DDIT4L: variants seen among roughly 807,000 people sequenced by gnomAD.
The protein encoded by DDIT4L is DNA damage inducible transcript 4 like.
Under a neutral mutation model 15.9 loss-of-function variants are expected in DDIT4L, and 13 were observed. That is an observed-to-expected ratio of 0.82 (90% CI 0.53 to 1.30). The LOEUF (loss-of-function observed/expected upper bound fraction) is 1.30, where lower values mean the gene tolerates loss of function less well. Ranked by LOEUF, DDIT4L falls within the 50% of genes most tolerant of loss-of-function variation. The pLI, the probability that DDIT4L is intolerant of heterozygous loss-of-function variation, is 0.00. For missense variants in DDIT4L, 235 were observed against 224.8 expected, an observed-to-expected ratio of 1.05 and a Z score of -0.29; for synonymous variants, 82 against 85.4, an observed-to-expected ratio of 0.96 and a Z score of 0.22.
In DDIT4L at chr4:100,187,985, C is replaced by T; in HGVS notation, c.274G>A (p.Val92Ile). 6.2e-7 allele frequency: 1 copy of T among 1,614,144 alleles called. No individual in the cohort carries two copies. The highest frequency in any genetic ancestry group is 8.5e-7 in the Non-Finnish European group (1 of 1,180,042). Residue 92 changes from valine (V) to isoleucine (I), a missense_variant, in exon 3 of 3, where the codon GTC becomes ATC. Coordinates refer to ENST00000273990, the MANE Select transcript of DDIT4L (RefSeq NM_145244.4). Reference sequence around the variant, plus strand: ...GGCTCCGTTGAGGAAAGCCGCAGGACATCTTGAGCAATTCTCTGGGTCAGT... The same window carrying T: ...GGCTCCGTTGAGGAAAGCCGCAGGATATCTTGAGCAATTCTCTGGGTCAGT... ...EKLTQRIAQD[V>I]LRLSSTEPCG... is the part of the protein sequence containing the mutation.
Position 100,188,055 on chromosome 4 carries a change from T to C in DDIT4L, c.204A>G (p.Ser68=). The change falls in exon 3 of 3, where the codon TCA becomes TCG. Residue 68 remains serine, a synonymous_variant. Coordinates refer to ENST00000273990, the MANE Select transcript of DDIT4L (RefSeq NM_145244.4). ...TTGAGCAACCAAGTTTAGTTTGCTT[T>C]GATTTGGACAGACAGTTCTCCAGCA... ...VKMLENCLSK[S]KQTKLGCSKV... 1 of 1,614,212 alleles carries C rather than the reference T, an allele frequency of 6.2e-7. No individual in the cohort carries two copies. Among genetic ancestry groups the C allele is most frequent in the Non-Finnish European group, 8.5e-7 (1 of 1,180,048 alleles).
At position 100,187,527 on chromosome 4, in the gene DDIT4L, G is replaced by A; in HGVS notation, c.*150C>T. ...CCAGAAAATCAGCCTGTTAGCTGCAGTTGCTATGAATGTGAAACACAGAAA... is the reference window on the plus strand; with the variant it reads ...CCAGAAAATCAGCCTGTTAGCTGCAATTGCTATGAATGTGAAACACAGAAA... On this transcript the variant is annotated 3_prime_UTR_variant, in exon 3 of 3. Coordinates refer to ENST00000273990, the MANE Select transcript of DDIT4L (RefSeq NM_145244.4). The A allele has an allele frequency of 1.2e-6, 1 of 856,528 alleles. No individual in the cohort carries two copies. Among genetic ancestry groups the A allele is most frequent in the Non-Finnish European group, 1.7e-6 (1 of 592,882 alleles). The allele number at this position is 856,528 out of a possible 1,614,324, so 53.1% of individuals were successfully genotyped here.
intron 2 of DDIT4L, among the ~76,000 whole-genome samples, 183 bp from the exon 3 acceptor site, chr4:100,188,350 GCT>G (rs1347689842): frequency 9.9e-5 from 15 of 152,264 alleles, no homozygotes; most frequent in African/African-American, 3.6e-4. Context: ...AATAATTTAA[GCT>G]CTCATGAATG....
At chr4:100,188,611 T>A (rs2110148825) in intron 2 of DDIT4L, among the ~76,000 whole-genome samples, 1 of 152,312 alleles carries the variant, frequency 6.6e-6, no homozygotes, top group Non-Finnish European at 1.5e-5. Flanking sequence ...TAACTTTGTT[T>A]TTTGGACTAA....
chr4:100,189,365 A>G (rs1723476428), intron 2 of DDIT4L, among the ~76,000 whole-genome samples: 3 of 152,188 alleles, frequency 2.0e-5, no homozygotes, highest in Admixed American at 2.0e-4. Context: ...ACACGAACAC[A>G]CTGATTTAAG....
At position 100,187,652 on chromosome 4, in the gene DDIT4L, A is replaced by C; in HGVS notation, c.*25T>G. ...GAATAGTTTTACTACCCAATCATGA[A>C]ATAATCTTTATATATTTTCCCTTTT... is the stretch of plus-strand genomic sequence containing the variant. On this transcript the variant is annotated 3_prime_UTR_variant, in exon 3 of 3. Coordinates refer to ENST00000273990, the MANE Select transcript of DDIT4L (RefSeq NM_145244.4). The C allele has an allele frequency of 6.4e-7, 1 of 1,568,460 alleles. No individual in the cohort carries two copies. The highest frequency in any genetic ancestry group is 8.6e-7 in the Non-Finnish European group (1 of 1,167,664).
At chr4:100,190,108 G>A in intron 1 of DDIT4L, 76 bp from the exon 2 acceptor site, 3 of 848,744 alleles carry the variant, frequency 3.5e-6, no homozygotes, top group South Asian at 3.2e-5. Context: ...AATGCCCGGC[G>A]TCCCGGGAGC....
At position 100,188,179 on chromosome 4, in the gene DDIT4L, G is replaced by A; in HGVS notation, c.92-12C>T. Reference sequence around the variant, plus strand: ...CCAGTAGTCAAAATCTGTAAGAAATGGAGTTTTCTTTTTAGATACAGAAGA... The same window carrying A: ...CCAGTAGTCAAAATCTGTAAGAAATAGAGTTTTCTTTTTAGATACAGAAGA... On this transcript the variant is annotated splice_polypyrimidine_tract_variant and intron_variant, in intron 2 of 2. Transcript: ENST00000273990. The A allele has an allele frequency of 6.3e-7, 1 of 1,575,272 alleles. No individual in the cohort carries two copies. The highest frequency in any genetic ancestry group is 8.5e-7 in the Non-Finnish European group (1 of 1,172,664).
Position 100,187,126 on chromosome 4 carries a change from C to A in DDIT4L, c.*551G>T, listed in dbSNP as rs1187226733. 1 of 152,174 alleles carries A rather than the reference C, an allele frequency of 6.6e-6. No individual in the cohort carries two copies. Among genetic ancestry groups the A allele is most frequent in the East Asian group, 1.9e-4 (1 of 5,190 alleles). The allele number at this position is 152,174 out of a possible 1,614,324, so 9.4% of individuals were successfully genotyped here. ...TTATTGCCGTAATATTTCTCATTTA[C>A]TCTTACCTAGGGTTAAGCTTTAATT... On this transcript the variant is annotated 3_prime_UTR_variant, in exon 3 of 3. Coordinates refer to ENST00000273990, the MANE Select transcript of DDIT4L (RefSeq NM_145244.4).
intron 2 of DDIT4L, 85 bp downstream of exon 2, chr4:100,189,808 G>T: frequency 7.9e-7 from 1 of 1,270,860 alleles, no homozygotes; most frequent in Non-Finnish European, 1.1e-6. Context: ...TAGAGGTAGG[G>T]GAGGAAGTCG....
rs954187511 is a variant in DDIT4L, at chr4:100,187,150, T to C, written c.*527A>G. On this transcript the variant is annotated 3_prime_UTR_variant, in exon 3 of 3. Coordinates refer to ENST00000273990, the MANE Select transcript of DDIT4L (RefSeq NM_145244.4). ...ACTCTTACCTAGGGTTAAGCTTTAATTAAACTCACCTACTTAATCCTACCC... is the reference window on the plus strand; with the variant it reads ...ACTCTTACCTAGGGTTAAGCTTTAACTAAACTCACCTACTTAATCCTACCC... The C allele has an allele frequency of 7.2e-5, 11 of 152,380 alleles. No homozygotes were observed. The highest frequency in any genetic ancestry group is 2.4e-4 in the African/African-American group (10 of 41,586). The allele number at this position is 152,380 out of a possible 1,614,324, so 9.4% of individuals were successfully genotyped here.
In DDIT4L at chr4:100,187,867, A is replaced by G. The variant is rs997463567; in HGVS notation, c.392T>C (p.Val131Ala). 8.7e-6 allele frequency: 14 copies of G among 1,613,744 alleles called. No homozygotes were observed. The highest frequency in any genetic ancestry group is 1.2e-5 in the Non-Finnish European group (14 of 1,179,956). Reference sequence around the variant, plus strand: ...CACAAGTGTAAGCTCAAAAGTAGGTACGACGCTAGAATCACACACAATCCT... The same window carrying G: ...CACAAGTGTAAGCTCAAAAGTAGGTGCGACGCTAGAATCACACACAATCCT... ...LDRIVCDSSV[V>A]PTFELTLVFK... The change falls in exon 3 of 3, where the codon GTA (valine) becomes GCA (alanine). Residue 131 changes from valine to alanine, a missense_variant. Val to Ala is a moderately conservative substitution (Grantham distance 64). Coordinates refer to ENST00000273990, the MANE Select transcript of DDIT4L (RefSeq NM_145244.4).
Position 100,188,179 on chromosome 4 carries a change from G to T in DDIT4L, c.92-12C>A. 1 of 1,575,272 alleles carries T rather than the reference G, an allele frequency of 6.3e-7. No homozygotes were observed. The highest frequency in any genetic ancestry group is 8.5e-7 in the Non-Finnish European group (1 of 1,172,664). ...CCAGTAGTCAAAATCTGTAAGAAAT[G>T]GAGTTTTCTTTTTAGATACAGAAGA... is the stretch of plus-strand genomic sequence containing the variant. On this transcript the variant is annotated splice_polypyrimidine_tract_variant and intron_variant, in intron 2 of 2. Transcript: ENST00000273990.
Position 100,187,543 on chromosome 4 carries a change from AAC to A in DDIT4L, c.*132_*133del. On this transcript the variant is annotated 3_prime_UTR_variant, in exon 3 of 3. Coordinates refer to ENST00000273990, the MANE Select transcript of DDIT4L (RefSeq NM_145244.4). ...TTAGCTGCAGTTGCTATGAATGTGA[AAC>A]ACAGAAAGAAAAGAGACTACATTTG... The A allele has an allele frequency of 6.9e-6, 7 of 1,017,606 alleles. No homozygotes were observed. The highest frequency in any genetic ancestry group is 6.8e-6 in the Non-Finnish European group (5 of 732,662). The allele number at this position is 1,017,606 out of a possible 1,614,324, so 63.0% of individuals were successfully genotyped here.
Position 100,187,632 on chromosome 4 carries a change from GT to G in DDIT4L, c.*44del. 6.4e-7 allele frequency: 1 copy of G among 1,554,622 alleles called. No individual in the cohort carries two copies. Among genetic ancestry groups the G allele is most frequent in the Non-Finnish European group, 8.6e-7 (1 of 1,161,226 alleles). On this transcript the variant is annotated 3_prime_UTR_variant, in exon 3 of 3. Transcript: ENST00000273990. ...ATGACTTTAGCTGACTAGCTGAATA[GT>G]TTTACTACCCAATCATGAAATAATC...
rs1213066318 is a variant in DDIT4L, at chr4:100,187,773, A to G, written c.486T>C (p.Ser162=). 6.2e-6 allele frequency: 10 copies of G among 1,612,618 alleles called. No homozygotes were observed. Among genetic ancestry groups the G allele is most frequent in the Non-Finnish European group, 8.5e-6 (10 of 1,179,776 alleles). The change falls in exon 3 of 3, where the codon TCT becomes TCC. Residue 162 remains serine (S), a synonymous_variant. Coordinates refer to ENST00000273990, the MANE Select transcript of DDIT4L (RefSeq NM_145244.4). ...TGAGGATCAGAGTTCTCCTGAAACC[A>G]GAGGAGAAGCGACCTCTACTAAAGA... The part of the protein sequence containing the change: ...DFFFSRGRFS[S]GFRRTLILSS...
In DDIT4L at chr4:100,187,556, AAG is replaced by A; in HGVS notation, c.*119_*120del. The A allele has an allele frequency of 9.0e-7, 1 of 1,116,176 alleles. No homozygotes were observed. Among genetic ancestry groups the A allele is most frequent in the South Asian group, 1.9e-5 (1 of 51,794 alleles). 69.1% of individuals were successfully genotyped at this position (1,116,176 alleles called of 1,614,324 possible). On this transcript the variant is annotated 3_prime_UTR_variant, in exon 3 of 3. Transcript: ENST00000273990. ...CTATGAATGTGAAACACAGAAAGAAAAGAGACTACATTTGGGGTTTCTTATTT... is the reference window on the plus strand; with the variant it reads ...CTATGAATGTGAAACACAGAAAGAAAAGACTACATTTGGGGTTTCTTATTT...
In DDIT4L at chr4:100,187,980, C is replaced by A. The variant is rs150234915; in HGVS notation, c.279G>T (p.Leu93=). 1.5e-5 allele frequency: 25 copies of A among 1,614,126 alleles called. No individual in the cohort carries two copies. The African/African-American group carries it at 3.2e-4, about 21-fold the overall frequency. The change falls in exon 3 of 3, where the codon CTG becomes CTT. Residue 93 remains leucine (L), a synonymous_variant. Transcript: ENST00000273990. ...KLTQRIAQDV[L]RLSSTEPCGL... The stretch of plus-strand genomic sequence containing the variant: ...CGCAGGGCTCCGTTGAGGAAAGCCG[C>A]AGGACATCTTGAGCAATTCTCTGGG...
chr4:100,187,538 T>C lies in DDIT4L; in HGVS notation c.*139A>G. 1 of 957,448 alleles carries C rather than the reference T, an allele frequency of 1.0e-6. No homozygotes were observed. The highest frequency in any genetic ancestry group is 3.0e-5 in the East Asian group (1 of 33,276). 59.3% of individuals were successfully genotyped at this position (957,448 alleles called of 1,614,324 possible). On this transcript the variant is annotated 3_prime_UTR_variant, in exon 3 of 3. Coordinates refer to ENST00000273990, the MANE Select transcript of DDIT4L (RefSeq NM_145244.4). ...GCCTGTTAGCTGCAGTTGCTATGAATGTGAAACACAGAAAGAAAAGAGACT... is the reference window on the plus strand; with the variant it reads ...GCCTGTTAGCTGCAGTTGCTATGAACGTGAAACACAGAAAGAAAAGAGACT...
Sources: gnomAD v4.1 joint callset for allele counts (sites outside exome capture counted in the v4.1 genomes callset) on GRCh38, gnomAD v4.1.1 for gene constraint, MANE v1.5 for transcripts, NCBI Gene and HGNC (gene_info 2026-07-23, HGNC 2026-07-21) for gene names.